Variants in PKNOX2 observed in about 807,000 individuals in gnomAD.
The protein encoded by PKNOX2 is homeobox protein PKNOX2.
PKNOX2 carries 14 observed loss-of-function variants against 53.1 expected under a neutral mutation model. The observed-to-expected ratio is 0.26, with a 90% CI of 0.17 to 0.41. The LOEUF (loss-of-function observed/expected upper bound fraction) is 0.41, where lower values mean the gene tolerates loss of function less well. PKNOX2 is among the 10% of genes least tolerant of loss of function. The pLI is 1.00. For synonymous variants in PKNOX2, 257 were observed against 242.8 expected (o/e 1.06, Z -0.54); for missense variants, 496 against 602.8 (o/e 0.82, Z 1.85).
chr11:125,314,201 G>A (rs1011155628), intron 2 of PKNOX2, among the ~76,000 whole-genome samples: 1 of 152,158 alleles, frequency 6.6e-6, no homozygotes, highest in Non-Finnish European at 1.5e-5. Flanking sequence ...TGGGGTTGGT[G>A]TCATGGTCAG....
At chr11:125,344,817 G>A (rs1175175648) in intron 3 of PKNOX2, among the ~76,000 whole-genome samples, 1 of 152,176 alleles carries the variant, frequency 6.6e-6, no homozygotes, top group African/African-American at 2.4e-5. Flanking sequence ...TGGGTGCGGT[G>A]TGCCCTGGGA....
intron 2 of PKNOX2, among the ~76,000 whole-genome samples, chr11:125,266,200 A>T (rs1945329269): frequency 6.6e-6 from 1 of 151,908 alleles, no homozygotes; most frequent in East Asian, 1.9e-4. Flanking sequence ...GGAATTCACC[A>T]CCTCCTCCCC....
At chr11:125,173,438 A>G (rs1410385765) in intron 1 of PKNOX2, among the ~76,000 whole-genome samples, 1 of 152,106 alleles carries the variant, frequency 6.6e-6, no homozygotes, top group Non-Finnish European at 1.5e-5. Context: ...ATCTTCTATG[A>G]TGATGGTTCT....
At chr11:125,377,908 G>A (rs1459364125) in intron 5 of PKNOX2, among the ~76,000 whole-genome samples, 3 of 152,240 alleles carry the variant, frequency 2.0e-5, no homozygotes, top group Non-Finnish European at 4.4e-5. Context: ...TGATCTAGGA[G>A]AGATACTGAA....
chr11:125,425,610 T>C (rs672945), intron 10 of PKNOX2, among the ~76,000 whole-genome samples: 29,621 of 120,000 alleles, frequency 0.25, 5,565 homozygotes, highest in East Asian at 0.41. Flanking sequence ...GATCCAATAA[T>C]GATCAGAGAG....
intron 1 of PKNOX2, among the ~76,000 whole-genome samples, chr11:125,223,089 C>T (rs1380424936): frequency 6.6e-6 from 1 of 152,178 alleles, no homozygotes; most frequent in Non-Finnish European, 1.5e-5. Context: ...AAGTGGACAT[C>T]CTCCCTGTCT....
intron 2 of PKNOX2, among the ~76,000 whole-genome samples, chr11:125,256,284 C>A (rs76237759): frequency 1.3e-5 from 2 of 152,158 alleles, no homozygotes; most frequent in East Asian, 3.9e-4. Context: ...CAGGAGCCTG[C>A]CTAGGACATC....
At chr11:125,369,041 T>C (rs1034942522) in intron 5 of PKNOX2, among the ~76,000 whole-genome samples, 2 of 152,230 alleles carry the variant, frequency 1.3e-5, no homozygotes, top group Admixed American at 1.3e-4. Context: ...ATAGGAAGAT[T>C]GATTTCTTTC....
At chr11:125,342,746 C>T (rs535171311) in intron 3 of PKNOX2, among the ~76,000 whole-genome samples, 2 of 151,006 alleles carry the variant, frequency 1.3e-5, no homozygotes, top group South Asian at 2.1e-4. Flanking sequence ...TGTGTGCAGA[C>T]GAGAGAGCAC....
rs1194909031 is a variant in PKNOX2, at chr11:125,166,799, G to A, written c.-201+2023G>A. On this transcript the variant is annotated intron_variant, in intron 1 of 12. Transcript: ENST00000298282. This position sits in a 1 kb window ranked among gnomAD's most constrained non-coding sequence, Gnocchi z 4.0. ...CGCCCGGGGGAGGAGGAAGCTTGGA[G>A]TGCCCTACTGTCATCTCTCCTGTCC... Among the ~76,000 whole-genome samples the A allele has an allele frequency of 6.6e-6, 1 of 152,210 alleles. No individual in the cohort carries two copies. The highest frequency in any genetic ancestry group is 2.4e-5 in the African/African-American group (1 of 41,446).
rs960777287 is a variant in PKNOX2 at position 125,235,106 on chromosome 11, G to T, written c.-139G>T. The T allele has an allele frequency of 6.6e-6, 1 of 152,648 alleles. No individual in the cohort carries two copies. The highest frequency in any genetic ancestry group is 1.5e-5 in the Non-Finnish European group (1 of 68,062). 9.5% of individuals were successfully genotyped at this position (152,648 alleles called of 1,614,324 possible). A position where few individuals can be genotyped will look rare whatever the true frequency, so the allele number is the denominator to read the frequency against. ...CTCCATGCTGCTCACTAGAAAAGGGGCTGTGAACTGTAAGTAACTTTGATT... is the reference window on the plus strand; with the variant it reads ...CTCCATGCTGCTCACTAGAAAAGGGTCTGTGAACTGTAAGTAACTTTGATT... On this transcript the variant is annotated 5_prime_UTR_variant, in exon 2 of 13. Transcript: ENST00000298282.
intron 1 of PKNOX2, among the ~76,000 whole-genome samples, chr11:125,180,693 G>A (rs1022668764): frequency 2.6e-5 from 4 of 152,210 alleles, no homozygotes; most frequent in African/African-American, 7.2e-5. Context: ...GAAAAAGGGG[G>A]TTTGCTCTGT....
chr11:125,301,142 G>T (rs967876598), intron 2 of PKNOX2, among the ~76,000 whole-genome samples: 9 of 152,182 alleles, frequency 5.9e-5, no homozygotes, highest in Admixed American at 5.9e-4. Context: ...CTCTGGGCTG[G>T]CTCTGGTTCA....
chr11:125,344,360 C>T (rs1950861980), intron 3 of PKNOX2, among the ~76,000 whole-genome samples: 1 of 152,202 alleles, frequency 6.6e-6, no homozygotes, highest in African/African-American at 2.4e-5. Flanking sequence ...GGAGGCCACG[C>T]TCCTTGGGAT....
At chr11:125,188,876 G>T (rs990052448) in intron 1 of PKNOX2, among the ~76,000 whole-genome samples, 1 of 151,414 alleles carries the variant, frequency 6.6e-6, no homozygotes, top group Non-Finnish European at 1.5e-5. Flanking sequence ...TTCTTTTAAA[G>T]TGTGAGCATG....
At chr11:125,212,449 CTTT>C (rs796083611) in intron 1 of PKNOX2, among the ~76,000 whole-genome samples, 15 of 105,394 alleles carry the variant, frequency 1.4e-4, no homozygotes, top group South Asian at 7.2e-4. Flanking sequence ...GGAGGGGATT[CTTT>C]TTTTTTTTTT....
chr11:125,247,590 A>G (rs1943658490), intron 2 of PKNOX2, among the ~76,000 whole-genome samples: 1 of 152,166 alleles, frequency 6.6e-6, no homozygotes, highest in Non-Finnish European at 1.5e-5. Context: ...TTTGCACTCA[A>G]TAAATGCTTG....
intron 1 of PKNOX2, among the ~76,000 whole-genome samples, chr11:125,210,508 C>T (rs998818725): frequency 6.6e-6 from 1 of 152,104 alleles, no homozygotes; most frequent in African/African-American, 2.4e-5. Flanking sequence ...TGCAGCACAG[C>T]GAGGCCCTCC....
At chr11:125,277,870 A>G (rs1303444166) in intron 2 of PKNOX2, among the ~76,000 whole-genome samples, 1 of 152,226 alleles carries the variant, frequency 6.6e-6, no homozygotes, top group Non-Finnish European at 1.5e-5. Flanking sequence ...AGATATCAAA[A>G]TCTTACATGT....
Sources: gnomAD v4.1 joint callset for allele counts (sites outside exome capture counted in the v4.1 genomes callset) on GRCh38, gnomAD v4.1.1 for gene constraint, Gnocchi (gnomAD v3.1) non-coding constraint, MANE v1.5 for transcripts, NCBI Gene and HGNC (gene_info 2026-07-23, HGNC 2026-07-21) for gene names.